Variants in KCNIP4 observed in about 807,000 individuals in gnomAD.
KCNIP4 encodes the protein potassium voltage-gated channel interacting protein 4.
Under a neutral mutation model 34.0 loss-of-function variants are expected in KCNIP4, and 12 were observed. The ratio of observed to expected loss-of-function variants is 0.35; its 90% confidence interval spans 0.23 to 0.57. KCNIP4 has a LOEUF of 0.57. Among genes scored for constraint, KCNIP4 ranks in the 20% least tolerant of loss-of-function variants. The probability of loss-of-function intolerance (pLI) is 0.83; values close to 1 mark genes in which losing one functional copy is unlikely to be tolerated. For synonymous variants in KCNIP4, 124 were observed against 102.2 expected (o/e 1.21, Z -1.29); for missense variants, 238 against 311.7 (o/e 0.76, Z 1.78).
intron 1 of KCNIP4, among the ~76,000 whole-genome samples, chr4:21,887,805 TAAAG>T (rs1316534984): frequency 6.6e-6 from 1 of 152,128 alleles, no homozygotes; most frequent in Non-Finnish European, 1.5e-5. Context: ...TTCTAACTCA[TAAAG>T]AAAATATTGC....
At chr4:20,863,951 TAC>T (rs766510957) in intron 2 of KCNIP4, among the ~76,000 whole-genome samples, 13 of 150,764 alleles carry the variant, frequency 8.6e-5, no homozygotes, top group African/African-American at 1.9e-4. Flanking sequence ...TGTATATATA[TAC>T]ACACACACAT....
At chr4:21,192,922 C>A (rs62295281) in intron 1 of KCNIP4, among the ~76,000 whole-genome samples, 2,642 of 54,942 alleles carry the variant, frequency 0.048, 61 homozygotes, top group African/African-American at 0.22. Flanking sequence ...GTCTCTACTA[C>A]TACTACTACT....
intron 3 of KCNIP4, among the ~76,000 whole-genome samples, chr4:20,802,821 A>T (rs560170785): frequency 2.6e-5 from 4 of 152,238 alleles, no homozygotes; most frequent in African/African-American, 9.6e-5. Flanking sequence ...CACGCCTGTA[A>T]TCCGGCAGTT....
At chr4:20,964,393 T>G (rs1734139727) in intron 1 of KCNIP4, among the ~76,000 whole-genome samples, 1 of 152,230 alleles carries the variant, frequency 6.6e-6, no homozygotes, top group Admixed American at 6.5e-5. Flanking sequence ...TTCAAATATT[T>G]AATCATTCTG....
chr4:20,742,849 TA>T (rs1044985092), intron 5 of KCNIP4, among the ~76,000 whole-genome samples: 7 of 152,172 alleles, frequency 4.6e-5, no homozygotes, highest in Admixed American at 3.9e-4. Flanking sequence ...CTTAAACTGA[TA>T]AGCAACTTAA....
intron 1 of KCNIP4, among the ~76,000 whole-genome samples, chr4:21,554,897 T>A (rs1392914079): frequency 6.6e-6 from 1 of 152,202 alleles, no homozygotes; most frequent in African/African-American, 2.4e-5. Flanking sequence ...TGAATAAATG[T>A]TAAATGAATG....
intron 1 of KCNIP4, among the ~76,000 whole-genome samples, chr4:21,558,601 G>A (rs1739267628): frequency 6.6e-6 from 1 of 152,044 alleles, no homozygotes; most frequent in Non-Finnish European, 1.5e-5. Flanking sequence ...TACATTGCTA[G>A]TCTCATTAGA....
chr4:20,758,742 G>C, intron 4 of KCNIP4, 79 bp downstream of exon 4: 1 of 1,020,074 alleles, frequency 9.8e-7, no homozygotes, highest in Non-Finnish European at 1.5e-6. Context: ...GTAGCATCAT[G>C]CTATGAAAAA....
intron 1 of KCNIP4, among the ~76,000 whole-genome samples, chr4:21,902,703 G>A (rs907100624): frequency 3.3e-5 from 5 of 152,070 alleles, no homozygotes; most frequent in Non-Finnish European, 5.9e-5. Flanking sequence ...TAAGAATGAA[G>A]TTGGAAAGGT....
chr4:21,247,894 T>G (rs1265431576), intron 1 of KCNIP4, among the ~76,000 whole-genome samples: 3 of 128,016 alleles, frequency 2.3e-5, no homozygotes, highest in Non-Finnish European at 4.7e-5. Flanking sequence ...CACAGGTAGA[T>G]ATATATATAT....
chr4:21,108,641 G>T (rs1206537726), intron 1 of KCNIP4, among the ~76,000 whole-genome samples: 1 of 151,698 alleles, frequency 6.6e-6, no homozygotes, highest in Non-Finnish European at 1.5e-5. Flanking sequence ...TTGCTGGTGA[G>T]GAACTGCGTT....
At chr4:20,961,408 T>C (rs1010009269) in intron 1 of KCNIP4, among the ~76,000 whole-genome samples, 1 of 152,142 alleles carries the variant, frequency 6.6e-6, no homozygotes, top group Non-Finnish European at 1.5e-5. Context: ...AAAAGAATCT[T>C]ATGGTTTTGA....
chr4:21,844,162 C>G (rs1723859764), intron 1 of KCNIP4: 1 of 151,900 alleles, frequency 6.6e-6, no homozygotes, highest in Non-Finnish European at 1.5e-5. Context: ...CACAGTATTT[C>G]AGAAGAATTT....
chr4:21,378,827 A>G (rs971663877), intron 1 of KCNIP4, among the ~76,000 whole-genome samples: 4 of 152,144 alleles, frequency 2.6e-5, no homozygotes, highest in Non-Finnish European at 5.9e-5. Flanking sequence ...ATAGAAAGGA[A>G]ATAGAGCAAG....
At chr4:21,301,163 A>G (rs971629617) in intron 1 of KCNIP4, among the ~76,000 whole-genome samples, 1 of 152,152 alleles carries the variant, frequency 6.6e-6, no homozygotes, top group Non-Finnish European at 1.5e-5. Flanking sequence ...GTCTTCTACA[A>G]TGAAGGAGAA....
At chr4:20,873,585 G>T (rs527990429) in intron 2 of KCNIP4, among the ~76,000 whole-genome samples, 10 of 152,218 alleles carry the variant, frequency 6.6e-5, no homozygotes, top group African/African-American at 1.9e-4. Flanking sequence ...TCTGTCTCTT[G>T]TCTTCAAATA....
chr4:21,269,788 T>C (rs1220262258), intron 1 of KCNIP4, among the ~76,000 whole-genome samples: 4 of 151,706 alleles, frequency 2.6e-5, no homozygotes, highest in African/African-American at 2.4e-5. Context: ...GGCTCAAAAG[T>C]TGGGGGGAAG....
intron 1 of KCNIP4, among the ~76,000 whole-genome samples, chr4:21,673,561 G>T (rs1208788043): frequency 6.6e-6 from 1 of 151,628 alleles, no homozygotes; most frequent in Non-Finnish European, 1.5e-5. Flanking sequence ...CATAATATTG[G>T]GCTTTATTCC....
intron 1 of KCNIP4, among the ~76,000 whole-genome samples, chr4:21,004,575 T>C (rs1738399933): frequency 6.6e-6 from 1 of 152,112 alleles, no homozygotes; most frequent in African/African-American, 2.4e-5. Flanking sequence ...TCTTGGAGAA[T>C]GTTACAGAAG....
Sources: gnomAD v4.1 joint callset for allele counts (sites outside exome capture counted in the v4.1 genomes callset) on GRCh38, gnomAD v4.1.1 for gene constraint, MANE v1.5 for transcripts, NCBI Gene and HGNC (gene_info 2026-07-23, HGNC 2026-07-21) for gene names.